SERGEF: variants seen among roughly 807,000 people sequenced by gnomAD.
SERGEF encodes the protein secretion-regulating guanine nucleotide exchange factor.
SERGEF carries 51 observed loss-of-function variants against 50.0 expected under a neutral mutation model. The observed-to-expected ratio is 1.02, with a 90% confidence interval of 0.81 to 1.29. SERGEF has a LOEUF of 1.29. Ranked by LOEUF, SERGEF falls within the 50% of genes most tolerant of loss-of-function variation. The probability of loss-of-function intolerance (pLI) is 0.00; values close to 1 mark genes in which losing one functional copy is unlikely to be tolerated. For synonymous variants in SERGEF, 205 were observed against 212.4 expected (o/e 0.97, Z 0.30); for missense variants, 521 against 557.0 (o/e 0.94, Z 0.65).
In SERGEF at chr11:17,817,355, C is replaced by T. The variant is rs1849996315; in HGVS notation, c.1049-28942G>A. Among the ~76,000 whole-genome samples the T allele has an allele frequency of 2.6e-5, 4 of 152,068 alleles. No homozygotes were observed. In the South Asian group the frequency reaches 6.2e-4, roughly 24 times the overall value. ...TCAGCCTCCCAAATAGCTGAGATTA[C>T]AGGCACCCACCACCATGCCTGGCTA... On this transcript the variant is annotated intron_variant, in intron 10 of 10. Coordinates refer to ENST00000265965, the MANE Select transcript of SERGEF (RefSeq NM_012139.4).
At chr11:17,922,620 G>A (rs11024434) in intron 9 of SERGEF, among the ~76,000 whole-genome samples, 2 of 151,884 alleles carry the variant, frequency 1.3e-5, no homozygotes, top group African/African-American at 4.8e-5. Context: ...GTCTCCACTG[G>A]GGGTATTTTT....
intron 9 of SERGEF, among the ~76,000 whole-genome samples, chr11:17,927,864 G>A (rs997100271): frequency 1.3e-5 from 2 of 152,202 alleles, no homozygotes; most frequent in East Asian, 1.9e-4. Context: ...GATCCAGGCC[G>A]ACCTGGGGCA....
intron 9 of SERGEF, among the ~76,000 whole-genome samples, chr11:17,931,728 T>C (rs1212669959): frequency 6.6e-6 from 1 of 152,160 alleles, no homozygotes; most frequent in Non-Finnish European, 1.5e-5. Context: ...GACCACTTAA[T>C]ACTGGGGCTG....
chr11:18,008,147 GTC>G, intron 1 of SERGEF, 71 bp from the exon 2 acceptor site: 1 of 1,466,632 alleles, frequency 6.8e-7, no homozygotes, highest in Non-Finnish European at 9.4e-7. Context: ...ACCTGTCTCT[GTC>G]TCTCTCACCC....
intron 9 of SERGEF, among the ~76,000 whole-genome samples, chr11:17,912,933 T>C (rs1188811392): frequency 2.6e-5 from 4 of 152,214 alleles, no homozygotes; most frequent in African/African-American, 9.7e-5. Context: ...TTATCTTACT[T>C]AATTCATAGG....
chr11:17,877,983 G>A, intron 10 of SERGEF: 1 of 448,684 alleles, frequency 2.2e-6, no homozygotes, highest in Non-Finnish European at 4.0e-6. Context: ...CGGGCAGGGA[G>A]GCCAGCTCAG....
At position 17,988,869 on chromosome 11, in the gene SERGEF, T is replaced by G. The variant is rs1853651966; in HGVS notation, c.686-114A>C. On this transcript the variant is annotated intron_variant, in intron 7 of 10. Coordinates refer to ENST00000265965, the MANE Select transcript of SERGEF (RefSeq NM_012139.4). ...AAAAGAAGTTGTTTTATACTTAGAC[T>G]ACAAGGTTGAGTGGAGCCAAGCAGG... is the stretch of plus-strand genomic sequence containing the variant. 5.8e-6 allele frequency: 6 copies of G among 1,043,172 alleles called. No individual in the cohort carries two copies. The Admixed American group carries it at 1.6e-4, about 29-fold the overall frequency. The allele number at this position is 1,043,172 out of a possible 1,614,324, so 64.6% of individuals were successfully genotyped here.
At chr11:17,846,532 TCTGAAG>T in intron 10 of SERGEF, 2 of 361,562 alleles carry the variant, frequency 5.5e-6, no homozygotes, top group Admixed American at 3.6e-5. Context: ...TTTTTTTTTC[TCTGAAG>T]TATTGAACAA....
intron 10 of SERGEF, among the ~76,000 whole-genome samples, chr11:17,839,726 G>A (rs1201350221): frequency 1.3e-5 from 2 of 152,204 alleles, no homozygotes; most frequent in Non-Finnish European, 2.9e-5. Context: ...GCTGCCAGCT[G>A]ATCAGAGGCT....
rs1398439820 is a variant in SERGEF at position 18,004,506 on chromosome 11, T to A, written c.382A>T (p.Asn128Tyr). Reference sequence around the variant, plus strand: ...GGAACTCCTAACTGGCCAAAGGAGTTGGATCCACATGATAGAACTTGACCA... The same window carrying A: ...GGAACTCCTAACTGGCCAAAGGAGTAGGATCCACATGATAGAACTTGACCA... ...ENGQVLSCGS[N>Y]SFGQLGVPHG... The change falls in exon 4 of 11, where the codon AAC (asparagine) becomes TAC (tyrosine). Residue 128 changes from asparagine to tyrosine, a missense_variant. By Grantham distance (143) the Asn-to-Tyr change is moderately radical. Coordinates refer to ENST00000265965, the MANE Select transcript of SERGEF (RefSeq NM_012139.4). 1.9e-6 allele frequency: 3 copies of A among 1,613,546 alleles called. No homozygotes were observed. In the African/African-American group the frequency reaches 4.0e-5, roughly 22 times the overall value.
chr11:17,880,958 C>T (rs1279994062), intron 9 of SERGEF, among the ~76,000 whole-genome samples: 1 of 152,170 alleles, frequency 6.6e-6, no homozygotes, highest in East Asian at 1.9e-4. Context: ...TTCATACATG[C>T]CAGGTGTCAT....
At position 18,006,775 on chromosome 11, in the gene SERGEF, C is replaced by T. The variant is rs760270121; in HGVS notation, c.197-29G>A. On this transcript the variant is annotated intron_variant, in intron 2 of 10. Coordinates refer to ENST00000265965, the MANE Select transcript of SERGEF (RefSeq NM_012139.4). ...CAAAATATAAAGGCATCAGTGATAG[C>T]GTGCACAGGAAAAAACACAACTGCA... is the stretch of plus-strand genomic sequence containing the variant. 59 of 1,608,516 alleles carry T rather than the reference C, an allele frequency of 3.7e-5. No individual in the cohort carries two copies. The African/African-American group carries it at 5.2e-4, about 14-fold the overall frequency.
intron 9 of SERGEF, among the ~76,000 whole-genome samples, chr11:17,895,852 G>A (rs1210964838): frequency 6.6e-6 from 1 of 152,014 alleles, no homozygotes; most frequent in Non-Finnish European, 1.5e-5. Flanking sequence ...ACAGCTTATA[G>A]TCATACTATA....
At chr11:17,860,117 A>G (rs1850900552) in intron 10 of SERGEF, among the ~76,000 whole-genome samples, 1 of 152,156 alleles carries the variant, frequency 6.6e-6, no homozygotes, top group South Asian at 2.1e-4. Flanking sequence ...GGGGGTGGGG[A>G]GACTGCTGAA....
intron 10 of SERGEF, among the ~76,000 whole-genome samples, chr11:17,792,428 G>T (rs1849497855): frequency 6.6e-6 from 1 of 152,210 alleles, no homozygotes; most frequent in African/African-American, 2.4e-5. Flanking sequence ...AGGGATGGGG[G>T]TGGGAGGAAG....
At chr11:17,944,196 G>T (rs908348197) in intron 9 of SERGEF, among the ~76,000 whole-genome samples, 1 of 152,052 alleles carries the variant, frequency 6.6e-6, no homozygotes, top group African/African-American at 2.4e-5. Context: ...CAAAGTGCTG[G>T]GATTACAGGT....
intron 10 of SERGEF, among the ~76,000 whole-genome samples, chr11:17,877,447 T>C (rs1289792587): frequency 1.3e-5 from 2 of 152,224 alleles, no homozygotes; most frequent in Non-Finnish European, 2.9e-5. Flanking sequence ...TTACATAACT[T>C]ATCCCTGCAA....
At chr11:18,002,447 TA>T (rs1254667828) in intron 4 of SERGEF, among the ~76,000 whole-genome samples, 2 of 152,194 alleles carry the variant, frequency 1.3e-5, no homozygotes, top group African/African-American at 2.4e-5. Flanking sequence ...CCAACCATAC[TA>T]AACTACTTAC....
intron 6 of SERGEF, among the ~76,000 whole-genome samples, chr11:17,995,231 T>C (rs1853812371): frequency 6.6e-6 from 1 of 152,192 alleles, no homozygotes; most frequent in Admixed American, 6.5e-5. Context: ...CGTAGAGAGA[T>C]TTCCCTGTGG....
Sources: allele counts gnomAD v4.1 joint callset (sites outside exome capture counted in the v4.1 genomes callset), GRCh38; gene constraint gnomAD v4.1.1; transcripts MANE v1.5; gene names NCBI Gene and HGNC (gene_info 2026-07-23, HGNC 2026-07-21).